Variants in SULF1 observed in about 807,000 individuals in gnomAD.
SULF1 encodes extracellular sulfatase Sulf-1.
In SULF1, 46 loss-of-function variants were observed where a neutral mutation model predicts 110.5. That is an observed-to-expected ratio of 0.42 (90% CI 0.33 to 0.53). The LOEUF (loss-of-function observed/expected upper bound fraction) is 0.53. Among genes scored for constraint, SULF1 ranks in the 20% least tolerant of loss-of-function variants. The pLI is 0.12. For synonymous variants in SULF1, 371 were observed against 387.1 expected, an observed-to-expected ratio of 0.96 and a Z score of 0.49; for missense variants, 941 against 1,094.2, an observed-to-expected ratio of 0.86 and a Z score of 1.98.
chr8:69,477,890 C>T (rs1809368106), intron 1 of SULF1, among the ~76,000 whole-genome samples: 1 of 151,922 alleles, frequency 6.6e-6, no homozygotes, highest in African/African-American at 2.4e-5. Flanking sequence ...AAGTGTCTCG[C>T]TCTGTCACTC....
intron 13 of SULF1, among the ~76,000 whole-genome samples, chr8:69,616,184 A>G (rs868170808): frequency 2.3e-4 from 33 of 144,948 alleles, no homozygotes; most frequent in African/African-American, 8.3e-4. Flanking sequence ...GTGTATATAA[A>G]TATATATACA....
chr8:69,596,328 TA>T (rs1450875101), intron 8 of SULF1, among the ~76,000 whole-genome samples: 1 of 152,100 alleles, frequency 6.6e-6, no homozygotes, highest in Non-Finnish European at 1.5e-5. Flanking sequence ...TTTTTTTTTT[TA>T]AGAAAGCAAC....
At chr8:69,614,525 T>C (rs1185010903) in intron 13 of SULF1, among the ~76,000 whole-genome samples, 1 of 152,272 alleles carries the variant, frequency 6.6e-6, no homozygotes, top group Non-Finnish European at 1.5e-5. Flanking sequence ...TGAAATTGTT[T>C]GAAATGCGTT....
chr8:69,530,248 A>G (rs1215062101), intron 3 of SULF1, among the ~76,000 whole-genome samples: 1 of 152,108 alleles, frequency 6.6e-6, no homozygotes. Flanking sequence ...CAGGATAGTC[A>G]AACATCAGGC....
At chr8:69,588,331 T>C (rs1806619055) in intron 7 of SULF1, among the ~76,000 whole-genome samples, 1 of 152,198 alleles carries the variant, frequency 6.6e-6, no homozygotes, top group Non-Finnish European at 1.5e-5. Flanking sequence ...AATCAACTGC[T>C]CCCTATTCAA....
chr8:69,568,680 T>C (rs980996240), intron 5 of SULF1, among the ~76,000 whole-genome samples: 1 of 152,180 alleles, frequency 6.6e-6, no homozygotes, highest in Non-Finnish European at 1.5e-5. Flanking sequence ...AAGAAGTTGT[T>C]CACGTTGTGC....
chr8:69,617,584 A>T (rs1335717618), intron 13 of SULF1, among the ~76,000 whole-genome samples: 1 of 150,838 alleles, frequency 6.6e-6, no homozygotes, highest in East Asian at 2.0e-4. Flanking sequence ...AACTTTTTTG[A>T]TCATTTCTTG....
intron 5 of SULF1, among the ~76,000 whole-genome samples, chr8:69,570,550 A>G (rs1427251174): frequency 8.5e-5 from 13 of 152,222 alleles, no homozygotes; most frequent in Admixed American, 7.9e-4. Flanking sequence ...TGATTTTTGT[A>G]TGAAATCATT....
intron 3 of SULF1, among the ~76,000 whole-genome samples, chr8:69,506,528 T>C (rs534426340): frequency 1.3e-5 from 2 of 152,284 alleles, no homozygotes; most frequent in South Asian, 2.1e-4. Flanking sequence ...CAAACTCCAA[T>C]TGGATGAGAA....
chr8:69,605,132 G>A (rs1283157567), intron 13 of SULF1, among the ~76,000 whole-genome samples, 200 bp downstream of exon 13: 2 of 152,196 alleles, frequency 1.3e-5, no homozygotes, highest in Non-Finnish European at 2.9e-5. Flanking sequence ...TACTACTTGG[G>A]CTCCCTCCAG....
chr8:69,581,412 C>T (rs2150754864), intron 6 of SULF1, among the ~76,000 whole-genome samples: 1 of 152,224 alleles, frequency 6.6e-6, no homozygotes, highest in South Asian at 2.1e-4. Context: ...ACAGGTTGTC[C>T]TAGACAGAAG....
At chr8:69,558,390 G>A (rs940324817) in intron 3 of SULF1, among the ~76,000 whole-genome samples, 15 of 152,008 alleles carry the variant, frequency 9.9e-5, no homozygotes, top group African/African-American at 3.6e-4. Flanking sequence ...TTTTTTCTCT[G>A]GCCTAACTAT....
rs1041610943 is a variant in SULF1, at chr8:69,660,539, A to G, written c.*2004A>G. 3 of 152,534 alleles carry G rather than the reference A, an allele frequency of 2.0e-5. No individual in the cohort carries two copies. Among genetic ancestry groups the G allele is most frequent in the African/African-American group, 7.2e-5 (3 of 41,428 alleles). 9.4% of individuals were successfully genotyped at this position (152,534 alleles called of 1,614,324 possible). ...GATGTGTTTTTGCTTACCCTAAGAG[A>G]GGTTTTCTTCTTATTTTTAGATAAT... On this transcript the variant is annotated 3_prime_UTR_variant, in exon 23 of 23. Transcript: ENST00000402687.
At position 69,603,256 on chromosome 8, in the gene SULF1, A is replaced by C. The variant is rs1405512694; in HGVS notation, c.1126A>C (p.Thr376Pro). ...PTILDIAGLD[T>P]PPDVDGKSVL... The stretch of plus-strand genomic sequence containing the variant: ...GATCCTGGATATTGCTGGGCTCGAC[A>C]CACCTCCTGATGTGGACGGCAAGTC... The change falls in exon 11 of 23, where the codon ACA (threonine) becomes CCA (proline). Residue 376 changes from threonine (T) to proline (P), a missense_variant. By Grantham distance (38) the Thr-to-Pro change is conservative (BLOSUM62 -1). Coordinates refer to ENST00000402687, the MANE Select transcript of SULF1 (RefSeq NM_001128205.2). 44 of 1,614,116 alleles carry C rather than the reference A, an allele frequency of 2.7e-5. No individual in the cohort carries two copies. Among genetic ancestry groups the C allele is most frequent in the Non-Finnish European group, 3.7e-5 (44 of 1,180,012 alleles).
chr8:69,593,669 C>G (rs1448543688), intron 8 of SULF1, among the ~76,000 whole-genome samples: 1 of 152,218 alleles, frequency 6.6e-6, no homozygotes, highest in Non-Finnish European at 1.5e-5. Flanking sequence ...TTATCGACCA[C>G]TTGTTGACAG....
In SULF1 at chr8:69,621,083, T is replaced by C; in HGVS notation, c.1426T>C (p.Cys476Arg). Residue 476 changes from cysteine (C) to arginine (R), a missense_variant, in exon 14 of 23, where the codon TGT becomes CGT. Cys to Arg is a radical substitution (Grantham distance 180). This residue lies in a region of SULF1 where 822 missense variants were observed against 934.3 expected (regional missense o/e 0.88). Coordinates refer to ENST00000402687, the MANE Select transcript of SULF1 (RefSeq NM_001128205.2). ...ATCTGGCAAGCTTCGAATTCACAAG[T>C]GTAAAGGACCCAGTGACCTGCTCAC... ...DTSGKLRIHK[C>R]KGPSDLLTVR... is the part of the protein sequence containing the mutation. 1 of 1,613,630 alleles carries C rather than the reference T, an allele frequency of 6.2e-7. No homozygotes were observed. Among genetic ancestry groups the C allele is most frequent in the Non-Finnish European group, 8.5e-7 (1 of 1,179,586 alleles).
chr8:69,583,700 T>C (rs1803679747), intron 6 of SULF1, among the ~76,000 whole-genome samples: 1 of 152,198 alleles, frequency 6.6e-6, no homozygotes, highest in African/African-American at 2.4e-5. Flanking sequence ...AGCCCTGAAC[T>C]GTGTGCAAGG....
intron 19 of SULF1, among the ~76,000 whole-genome samples, chr8:69,635,637 C>T (rs1046996713): frequency 6.6e-6 from 1 of 152,046 alleles, no homozygotes; most frequent in African/African-American, 2.4e-5. Flanking sequence ...TTTGAGAGAC[C>T]GAGGCAGGCA....
At chr8:69,604,043 A>G (rs1179109010) in intron 12 of SULF1, among the ~76,000 whole-genome samples, 1 of 152,250 alleles carries the variant, frequency 6.6e-6, no homozygotes, top group African/African-American at 2.4e-5. Context: ...TCTTGATTTG[A>G]TCATTACACA....
Sources: allele counts gnomAD v4.1 joint callset (sites outside exome capture counted in the v4.1 genomes callset), GRCh38; gene constraint gnomAD v4.1.1; regional missense constraint gnomAD v4.1.1; transcripts MANE v1.5; gene names NCBI Gene and HGNC (gene_info 2026-07-23, HGNC 2026-07-21).